The following NRG3 variants were observed in gnomAD, a reference collection of about 807,000 sequenced individuals.
NRG3 encodes the protein neuregulin 3.
Under a neutral mutation model 66.9 loss-of-function variants are expected in NRG3, and 31 were observed. The ratio of observed to expected loss-of-function variants is 0.46; its 90% CI spans 0.35 to 0.63. NRG3 has a LOEUF of 0.63. Among genes scored for constraint, NRG3 ranks in the 20% least tolerant of loss-of-function variants. The pLI, the probability that NRG3 is intolerant of heterozygous loss-of-function variation, is 0.00. For synonymous variants in NRG3, 393 were observed against 359.4 expected (o/e 1.09, Z -1.06); for missense variants, 910 against 878.9 (o/e 1.04, Z -0.45).
At chr10:82,002,231 C>T (rs1451340432) in intron 1 of NRG3, among the ~76,000 whole-genome samples, 1 of 152,150 alleles carries the variant, frequency 6.6e-6, no homozygotes, top group African/African-American at 2.4e-5. Context: ...AAATCTCTTA[C>T]TCTTGGGACC....
chr10:82,099,971 A>G (rs1361167706), intron 1 of NRG3, among the ~76,000 whole-genome samples: 2 of 133,364 alleles, frequency 1.5e-5, no homozygotes, highest in Non-Finnish European at 3.2e-5. Flanking sequence ...TGACAGAACA[A>G]TACCCTGTCT....
At chr10:82,838,565 G>T (rs2062893504) in intron 3 of NRG3, among the ~76,000 whole-genome samples, 1 of 152,034 alleles carries the variant, frequency 6.6e-6, no homozygotes, top group Non-Finnish European at 1.5e-5. Context: ...TTGAGTTGTG[G>T]TGTAAAATGT....
At position 82,027,060 on chromosome 10, in the gene NRG3, G is replaced by GAAC. The variant is rs564326081; in HGVS notation, c.823+150902_823+150904dup. Among the ~76,000 whole-genome samples, 26 of 152,106 alleles carry GAAC rather than the reference G, an allele frequency of 1.7e-4. No individual in the cohort carries two copies. In the South Asian group the frequency reaches 5.2e-3, roughly 30 times the overall value. On this transcript the variant is annotated intron_variant, in intron 1 of 8. Coordinates refer to ENST00000372141, the MANE Select transcript of NRG3 (RefSeq NM_001010848.4). ...TAAGGTAGTTTTCACAAGAATAAGT[G>GAAC]AACAACATGAAACTTTTTGTCAAAT...
chr10:82,579,449 G>C (rs2046226761), intron 2 of NRG3, among the ~76,000 whole-genome samples: 1 of 151,688 alleles, frequency 6.6e-6, no homozygotes, highest in African/African-American at 2.4e-5. Context: ...CTAATGTTTG[G>C]GCACAGATTT....
chr10:82,785,268 TG>T (rs2060305567), intron 3 of NRG3, among the ~76,000 whole-genome samples: 1 of 151,934 alleles, frequency 6.6e-6, no homozygotes, highest in African/African-American at 2.4e-5. Context: ...GACGAGTTAA[TG>T]GGTGCAGCAC....
chr10:82,322,983 T>G (rs1429531827), intron 1 of NRG3, among the ~76,000 whole-genome samples: 1 of 152,160 alleles, frequency 6.6e-6, no homozygotes. Flanking sequence ...AGCCTTCTGA[T>G]GAATACTATG....
intron 2 of NRG3, among the ~76,000 whole-genome samples, chr10:82,430,742 A>G (rs149422273): frequency 1.8e-3 from 279 of 152,264 alleles, no homozygotes; most frequent in Middle Eastern, 6.8e-3. Flanking sequence ...AGTAACTACT[A>G]AAGTATTTAC....
chr10:82,273,230 T>C (rs1224836412), intron 1 of NRG3, among the ~76,000 whole-genome samples: 1 of 152,064 alleles, frequency 6.6e-6, no homozygotes, highest in African/African-American at 2.4e-5. Flanking sequence ...TTCACCTGTA[T>C]ACATTATTTG....
intron 2 of NRG3, among the ~76,000 whole-genome samples, chr10:82,451,334 T>C (rs2091009171): frequency 1.3e-5 from 2 of 152,168 alleles, no homozygotes; most frequent in African/African-American, 2.4e-5. Context: ...CTTGTCTCAG[T>C]TGAATTAGTA....
At chr10:82,766,249 A>G (rs1449780916) in intron 3 of NRG3, among the ~76,000 whole-genome samples, 4 of 152,120 alleles carry the variant, frequency 2.6e-5, no homozygotes, top group African/African-American at 9.7e-5. Flanking sequence ...AGCAACCACC[A>G]CTTTCTAAAG....
At chr10:82,313,808 G>A (rs567060473) in intron 1 of NRG3, among the ~76,000 whole-genome samples, 3 of 152,254 alleles carry the variant, frequency 2.0e-5, no homozygotes, top group South Asian at 4.2e-4. Flanking sequence ...GAAGGCTTGG[G>A]GGAAAACAGA....
intron 1 of NRG3, among the ~76,000 whole-genome samples, chr10:82,193,776 A>G (rs891259726): frequency 6.6e-6 from 1 of 152,216 alleles, no homozygotes; most frequent in Non-Finnish European, 1.5e-5. Flanking sequence ...AGCTTGTTCC[A>G]TTTGAAATGC....
chr10:81,876,854 G>A (rs1001054669), intron 1 of NRG3, among the ~76,000 whole-genome samples: 2 of 152,014 alleles, frequency 1.3e-5, no homozygotes, highest in Non-Finnish European at 1.5e-5. Context: ...TGTGACCGCC[G>A]AGAGTGAGTT....
chr10:82,375,052 C>T (rs979311562), intron 2 of NRG3, among the ~76,000 whole-genome samples: 1 of 152,188 alleles, frequency 6.6e-6, no homozygotes, highest in African/African-American at 2.4e-5. Context: ...TTATAGATCA[C>T]ATTTGCTATT....
intron 8 of NRG3, among the ~76,000 whole-genome samples, chr10:82,983,173 G>A (rs1173589836): frequency 6.6e-6 from 1 of 152,058 alleles, no homozygotes; most frequent in African/African-American, 2.4e-5. Context: ...TGCTATCCTG[G>A]CTACATTTTT....
chr10:82,639,407 T>C (rs1413565236), intron 2 of NRG3, among the ~76,000 whole-genome samples: 2 of 152,194 alleles, frequency 1.3e-5, no homozygotes, highest in African/African-American at 2.4e-5. Flanking sequence ...CCTGGGGATT[T>C]AGGTTTGAAC....
At position 82,051,414 on chromosome 10, in the gene NRG3, C is replaced by T. The variant is rs141241996; in HGVS notation, c.823+175251C>T. Among the ~76,000 whole-genome samples, 10 of 152,164 alleles carry T rather than the reference C, an allele frequency of 6.6e-5. No individual in the cohort carries two copies. The East Asian group carries it at 1.2e-3, about 18-fold the overall frequency. On this transcript the variant is annotated intron_variant, in intron 1 of 8. Transcript: ENST00000372141. ...TTCATGTACTAAGAGTCTCTGATCC[C>T]GTGAGGATGACGTCTACTTGCCCAT...
intron 2 of NRG3, among the ~76,000 whole-genome samples, chr10:82,562,281 G>A (rs900707819): frequency 1.3e-5 from 2 of 152,094 alleles, no homozygotes; most frequent in African/African-American, 2.4e-5. Flanking sequence ...GGTCTTTTTA[G>A]TGAAGCATAT....
intron 1 of NRG3, among the ~76,000 whole-genome samples, chr10:82,141,349 C>T (rs1436045553): frequency 1.3e-5 from 2 of 152,086 alleles, no homozygotes; most frequent in Admixed American, 1.3e-4. Context: ...GTCGACCTTC[C>T]CTGCTGGGTT....
Sources: gnomAD v4.1 joint callset for allele counts (sites outside exome capture counted in the v4.1 genomes callset) on GRCh38, gnomAD v4.1.1 for gene constraint, MANE v1.5 for transcripts, NCBI Gene and HGNC (gene_info 2026-07-23, HGNC 2026-07-21) for gene names.